Variants in MMRN1 observed in about 807,000 individuals in gnomAD.
The protein encoded by MMRN1 is multimerin-1.
MMRN1 carries 94 observed loss-of-function variants against 100.7 expected under a neutral mutation model. The observed-to-expected ratio is 0.93, with a 90% CI of 0.79 to 1.11. The LOEUF is 1.11. Among genes scored for constraint, MMRN1 ranks in the 50% least tolerant of loss-of-function variants. MMRN1 has a pLI of 0.00. For missense variants in MMRN1, 1,606 were observed against 1,439.1 expected, an observed-to-expected ratio of 1.12 and a Z score of -1.88; for synonymous variants, 575 against 505.0, an observed-to-expected ratio of 1.14 and a Z score of -1.86.
intron 5 of MMRN1, among the ~76,000 whole-genome samples, chr4:89,933,683 C>T (rs1433750995): frequency 6.6e-6 from 1 of 152,106 alleles, no homozygotes; most frequent in Non-Finnish European, 1.5e-5. Context: ...TGAGAACTCA[C>T]TTACTATCAT....
chr4:89,895,535 C>G lies in MMRN1; in HGVS notation c.564C>G (p.Asp188Glu). 6.2e-7 allele frequency: 1 copy of G among 1,613,744 alleles called. No homozygotes were observed. Among genetic ancestry groups the G allele is most frequent in the Non-Finnish European group, 8.5e-7 (1 of 1,179,878 alleles). ...APRETYLSRG[D>E]SSSSQRTDYQ... ...GGGAAACATACCTCAGCCGGGGTGA[C>G]AGCAGTTCCAGCCAAAGAACTGACT... The change falls in exon 1 of 8, where the codon GAC (aspartate) becomes GAG (glutamate). Residue 188 changes from aspartate to glutamate, a missense_variant. Asp to Glu is a conservative substitution (Grantham distance 45). Transcript: ENST00000264790.
chr4:89,884,809 C>T (rs541325900), intron 1 of MMRN1, among the ~76,000 whole-genome samples: 1 of 152,094 alleles, frequency 6.6e-6, no homozygotes, highest in East Asian at 1.9e-4. Context: ...ACAGACAAGT[C>T]ATTTATATAT....
rs150333407 is a variant in MMRN1 at position 89,934,479 on chromosome 4, A to G, written c.1130-331A>G. Among the ~76,000 whole-genome samples, 1,448 of 152,248 alleles carry G rather than the reference A, an allele frequency of 9.5e-3. 12 individuals carry two copies. Among genetic ancestry groups the G allele is most frequent in the Middle Eastern group, 0.065 (19 of 294 alleles). On this transcript the variant is annotated intron_variant, in intron 5 of 7. Coordinates refer to ENST00000264790, the MANE Select transcript of MMRN1 (RefSeq NM_007351.3). Reference sequence around the variant, plus strand: ...AAGCCATTTATTTTCACACAAAACGAAAACTAGACCTAGAATTATTGTACA... The same window carrying G: ...AAGCCATTTATTTTCACACAAAACGGAAACTAGACCTAGAATTATTGTACA...
chr4:89,939,965 A>G (rs1305765921), intron 6 of MMRN1, among the ~76,000 whole-genome samples: 2 of 152,138 alleles, frequency 1.3e-5, no homozygotes, highest in Non-Finnish European at 2.9e-5. Flanking sequence ...AAGAAGAGGG[A>G]CAAAATTCAT....
At chr4:89,890,610 G>A (rs1016931947), upstream of MMRN1, among the ~76,000 whole-genome samples, 5 of 152,086 alleles carry the variant, frequency 3.3e-5, no homozygotes, top group African/African-American at 7.2e-5. Flanking sequence ...AGTCACTAAT[G>A]ATAATCACTT....
chr4:89,904,194 T>C (rs543295682), intron 1 of MMRN1, among the ~76,000 whole-genome samples: 1 of 151,978 alleles, frequency 6.6e-6, no homozygotes, highest in African/African-American at 2.4e-5. Context: ...TCTCTGATTT[T>C]GACAAGAGAT....
chr4:89,949,671 A>C (rs1466768165), intron 6 of MMRN1, among the ~76,000 whole-genome samples: 1 of 152,252 alleles, frequency 6.6e-6, no homozygotes, highest in African/African-American at 2.4e-5. Context: ...TACTTTTCTT[A>C]ATAAGGAAAA....
At chr4:89,946,207 T>G (rs985561267) in intron 6 of MMRN1, among the ~76,000 whole-genome samples, 1 of 152,126 alleles carries the variant, frequency 6.6e-6, no homozygotes, top group Non-Finnish European at 1.5e-5. Flanking sequence ...GGATGAAACA[T>G]AAAGAAAAGT....
chr4:89,929,553 G>T (rs1722371927), intron 5 of MMRN1, among the ~76,000 whole-genome samples: 1 of 152,054 alleles, frequency 6.6e-6, no homozygotes, highest in Admixed American at 6.6e-5. Flanking sequence ...AATGAGATTT[G>T]TTTAGCAAGA....
chr4:89,924,849 A>T (rs2110617131), intron 4 of MMRN1, among the ~76,000 whole-genome samples: 1 of 152,160 alleles, frequency 6.6e-6, no homozygotes, highest in East Asian at 1.9e-4. Context: ...TCAAAAATAA[A>T]AAATTAAAAA....
intron 1 of MMRN1, among the ~76,000 whole-genome samples, chr4:89,901,221 G>A (rs1259254104): frequency 6.6e-6 from 1 of 150,992 alleles, no homozygotes; most frequent in Non-Finnish European, 1.5e-5. Context: ...TATGTTTTGT[G>A]TTTGTTTCTT....
At chr4:89,940,401 A>G (rs544855186) in intron 6 of MMRN1, among the ~76,000 whole-genome samples, 2 of 152,268 alleles carry the variant, frequency 1.3e-5, no homozygotes, top group East Asian at 3.9e-4. Flanking sequence ...TCTATAAAAC[A>G]TTTGGTAGTG....
At position 89,936,790 on chromosome 4, in the gene MMRN1, T is replaced by C. The variant is rs535383970; in HGVS notation, c.3110T>C (p.Ile1037Thr). ...ACTCAAAGAAACACGGACAACATAA[T>C]ATATCCTGGTAAGCTGTTACTGAAA... ...GRTQRNTDNIIYPEEYSSCSR... is the reference protein window; with the variant it reads ...GRTQRNTDNITYPEEYSSCSR... Residue 1037 changes from isoleucine (I) to threonine (T), a missense_variant, in exon 6 of 8, where the codon ATA becomes ACA. By Grantham distance (89) the Ile-to-Thr change is moderately conservative. Transcript: ENST00000264790. 3.4e-5 allele frequency: 54 copies of C among 1,581,528 alleles called. 1 individual carries two copies. The South Asian group carries it at 5.8e-4, about 17-fold the overall frequency.
At chr4:89,894,308 G>A (rs76455187), upstream of MMRN1, among the ~76,000 whole-genome samples, 982 of 152,194 alleles carry the variant, frequency 6.5e-3, 5 homozygotes, top group African/African-American at 0.022. Context: ...TTGAGATTAA[G>A]TAATGATACA....
intron 6 of MMRN1, among the ~76,000 whole-genome samples, chr4:89,944,804 G>A (rs945980108): frequency 6.6e-6 from 1 of 152,156 alleles, no homozygotes; most frequent in African/African-American, 2.4e-5. Flanking sequence ...TATTCTTAGT[G>A]ATTTTGAAAT....
chr4:89,881,861 A>G (rs1038075348), intron 1 of MMRN1, among the ~76,000 whole-genome samples: 3 of 152,006 alleles, frequency 2.0e-5, no homozygotes, highest in Non-Finnish European at 4.4e-5. Flanking sequence ...TAACGTATGC[A>G]TTAACTATTA....
chr4:89,910,057 A>G (rs1382110721), intron 2 of MMRN1, among the ~76,000 whole-genome samples: 1 of 151,518 alleles, frequency 6.6e-6, no homozygotes, highest in Admixed American at 6.6e-5. Context: ...TATTCAGGCC[A>G]TGATGGCTAA....
intron 6 of MMRN1, among the ~76,000 whole-genome samples, chr4:89,942,657 G>A (rs545099333): frequency 2.0e-5 from 3 of 152,076 alleles, no homozygotes; most frequent in African/African-American, 7.2e-5. Flanking sequence ...TATGTTGACA[G>A]CATTGTTTTA....
chr4:89,886,193 T>C (rs2110570736), intron 1 of MMRN1, among the ~76,000 whole-genome samples: 1 of 152,040 alleles, frequency 6.6e-6, no homozygotes, highest in East Asian at 1.9e-4. Flanking sequence ...GCCTGGCCCC[T>C]TTCTTCTATT....
Sources: gnomAD v4.1 joint callset for allele counts (sites outside exome capture counted in the v4.1 genomes callset) on GRCh38, gnomAD v4.1.1 for gene constraint, MANE v1.5 for transcripts, NCBI Gene and HGNC (gene_info 2026-07-23, HGNC 2026-07-21) for gene names.